RPTOR: variants seen among roughly 807,000 people sequenced by gnomAD.
RPTOR encodes the protein regulatory-associated protein of mTOR.
Under a neutral mutation model 169.9 loss-of-function variants are expected in RPTOR, and 21 were observed. The observed-to-expected ratio is 0.12, with a 90% CI of 0.09 to 0.18. RPTOR has a LOEUF of 0.18. Ranked by LOEUF, RPTOR falls within the 10% of genes least tolerant of loss-of-function variation. RPTOR has a pLI of 1.00. For missense variants in RPTOR, 1,133 were observed against 1,855.9 expected, an observed-to-expected ratio of 0.61 and a Z score of 7.16; for synonymous variants, 732 against 753.2, an observed-to-expected ratio of 0.97 and a Z score of 0.46.
Position 80,922,751 on chromosome 17 carries a change from G to A in RPTOR, c.2548G>A (p.Val850Ile), listed in dbSNP as rs183024326. The A allele has an allele frequency of 1.2e-4, 195 of 1,588,958 alleles. 2 individuals are homozygous for A. In the East Asian group the frequency reaches 3.4e-3, roughly 28 times the overall value. ...CACCGTGAACGCCCGGCCGCAGCGC[G>A]TCCTGGACACCTCCTCCCTCACGCA... is the stretch of plus-strand genomic sequence containing the variant. ...KATVNARPQR[V>I]LDTSSLTQSA... is the part of the protein sequence containing the mutation. The change falls in exon 22 of 34, where the codon GTC becomes ATC. Residue 850 changes from valine to isoleucine, a missense_variant. By Grantham distance (29) the Val-to-Ile change is conservative. Around this residue, in one of 9 missense-constraint regions of RPTOR, gnomAD observed 123 missense variants for 129.0 expected, o/e 0.95. Coordinates refer to ENST00000306801, the MANE Select transcript of RPTOR (RefSeq NM_020761.3).
chr17:80,866,152 AAT>A (rs1438122865), intron 13 of RPTOR, among the ~76,000 whole-genome samples: 13 of 149,320 alleles, frequency 8.7e-5, no homozygotes, highest in African/African-American at 2.9e-4. Context: ...ATTTATATAA[AAT>A]ATTTATTACT....
At chr17:80,892,651 C>A in intron 18 of RPTOR, 78 bp from the exon 19 acceptor site, 2 of 1,513,688 alleles carry the variant, frequency 1.3e-6, no homozygotes, top group South Asian at 2.4e-5. Flanking sequence ...ACCGAGTGTC[C>A]CAGCTGCTGA....
intron 6 of RPTOR, among the ~76,000 whole-genome samples, chr17:80,769,655 C>G (rs74001015): frequency 1.3e-5 from 2 of 152,092 alleles, no homozygotes. Context: ...GAGGCAGAGG[C>G]GGCATCACTG....
rs1396487386 is a variant in RPTOR at position 80,697,628 on chromosome 17, G to A, written c.349-10213G>A. On this transcript the variant is annotated intron_variant, in intron 3 of 33. Coordinates refer to ENST00000306801, the MANE Select transcript of RPTOR (RefSeq NM_020761.3). ...ACAGCCACGTCAGGGACTTGGGAAC[G>A]TCTGGGCCAAGGAGCCACCTTGTGC... 2.0e-5 allele frequency among the ~76,000 whole-genome samples: 3 copies of A among 152,328 alleles called. No homozygotes were observed. In the East Asian group the frequency reaches 5.8e-4, roughly 29 times the overall value.
chr17:80,709,882 C>T (rs1034494807), intron 4 of RPTOR, among the ~76,000 whole-genome samples: 2 of 152,234 alleles, frequency 1.3e-5, no homozygotes, highest in Admixed American at 1.3e-4. Flanking sequence ...TCTTTGTATT[C>T]CAGACAGTAA....
rs2066322550 is a variant in RPTOR at position 80,725,329 on chromosome 17, A to C, written c.508-5231A>C. Among the ~76,000 whole-genome samples the C allele has an allele frequency of 2.0e-5, 3 of 152,242 alleles. No homozygotes were observed. In the South Asian group the frequency reaches 6.2e-4, roughly 32 times the overall value. On this transcript the variant is annotated intron_variant, in intron 4 of 33. Transcript: ENST00000306801. ...CAGATAAAGTGGATTGTAATGAAGA[A>C]ATTATCTAAAACCCATTTCTATTTC...
At chr17:80,880,624 C>T (rs1415733522) in intron 14 of RPTOR, 135 bp downstream of exon 14, 11 of 728,968 alleles carry the variant, frequency 1.5e-5, no homozygotes, top group Non-Finnish European at 2.1e-5. Flanking sequence ...GCCACGTCCA[C>T]GGGGTCAGCA....
chr17:80,751,147 T>C (rs1409275538), intron 5 of RPTOR, among the ~76,000 whole-genome samples: 2 of 152,182 alleles, frequency 1.3e-5, no homozygotes. Flanking sequence ...ACCATCACCG[T>C]GGTGCGAGGT....
At chr17:80,923,904 C>A in intron 23 of RPTOR, 1 of 553,154 alleles carries the variant, frequency 1.8e-6, no homozygotes, top group Non-Finnish European at 3.2e-6. Flanking sequence ...TGTCCCGGTC[C>A]CTCTGCCTGC....
chr17:80,642,590 G>A (rs1173598213), intron 2 of RPTOR, among the ~76,000 whole-genome samples: 2 of 151,952 alleles, frequency 1.3e-5, no homozygotes, highest in African/African-American at 4.9e-5. Context: ...AATAATCTAT[G>A]GGTAAAAAAT....
intron 7 of RPTOR, among the ~76,000 whole-genome samples, chr17:80,809,692 T>C (rs1443051415): frequency 6.6e-6 from 1 of 152,216 alleles, no homozygotes; most frequent in Non-Finnish European, 1.5e-5. Flanking sequence ...GTCTTTGTCC[T>C]ATCTATACAT....
At chr17:80,655,632 G>A (rs952287869) in intron 3 of RPTOR, among the ~76,000 whole-genome samples, 5 of 150,268 alleles carry the variant, frequency 3.3e-5, no homozygotes, top group East Asian at 2.0e-4. Context: ...GCTGGAGTGC[G>A]GTGGTGTGAT....
intron 21 of RPTOR, among the ~76,000 whole-genome samples, chr17:80,912,361 A>G (rs1451850106): frequency 1.3e-5 from 2 of 152,042 alleles, no homozygotes; most frequent in Non-Finnish European, 2.9e-5. Flanking sequence ...GTTTTCCCCC[A>G]ATTAATTTAG....
At chr17:80,846,781 C>G (rs910900923) in intron 11 of RPTOR, among the ~76,000 whole-genome samples, 1 of 152,240 alleles carries the variant, frequency 6.6e-6, no homozygotes, top group Non-Finnish European at 1.5e-5. Flanking sequence ...CTGGGCTGAT[C>G]GCACATTCAT....
rs1442338286 is a variant in RPTOR at position 80,820,263 on chromosome 17, AAC to A, written c.891-1936_891-1935del. On this transcript the variant is annotated intron_variant, in intron 7 of 33. Transcript: ENST00000306801. This position sits in a 1 kb window ranked among gnomAD's most constrained non-coding sequence, Gnocchi z 4.1. ...CTTGAAAGAGGCGGTGTTTTTGCGGAACAGTTATTGACGATCTTGTCAGTCAT... is the reference window on the plus strand; with the variant it reads ...CTTGAAAGAGGCGGTGTTTTTGCGGAAGTTATTGACGATCTTGTCAGTCAT... 6.6e-6 allele frequency among the ~76,000 whole-genome samples: 1 copy of A among 152,004 alleles called. No homozygotes were observed. Among genetic ancestry groups the A allele is most frequent in the Non-Finnish European group, 1.5e-5 (1 of 68,004 alleles).
chr17:80,839,118 G>T (rs982621893), intron 10 of RPTOR, among the ~76,000 whole-genome samples: 1 of 152,204 alleles, frequency 6.6e-6, no homozygotes, highest in South Asian at 2.1e-4. Context: ...AACACATGCA[G>T]TCGGGAGCCT....
In RPTOR at chr17:80,823,258, C is replaced by T. The variant is rs764207866; in HGVS notation, c.1136+35C>T. 6 of 1,607,138 alleles carry T rather than the reference C, an allele frequency of 3.7e-6. No homozygotes were observed. The South Asian group carries it at 5.5e-5, about 15-fold the overall frequency. The stretch of plus-strand genomic sequence containing the variant: ...TCAGGATCCTCCAGGTGCCGTGCTC[C>T]CCCGCCCTCCGTGGCACTGTGATGT... On this transcript the variant is annotated intron_variant, in intron 9 of 33. Coordinates refer to ENST00000306801, the MANE Select transcript of RPTOR (RefSeq NM_020761.3). The surrounding 1 kb of genome is among the most constrained non-coding windows in gnomAD (Gnocchi z 4.5).
At chr17:80,833,779 C>T (rs2067533335) in intron 9 of RPTOR, among the ~76,000 whole-genome samples, 1 of 152,216 alleles carries the variant, frequency 6.6e-6, no homozygotes, top group Non-Finnish European at 1.5e-5. Flanking sequence ...CACCTGAGGT[C>T]AGGAGTTCGA....
intron 7 of RPTOR, among the ~76,000 whole-genome samples, chr17:80,807,022 A>T (rs2067225291): frequency 6.6e-6 from 1 of 152,228 alleles, no homozygotes; most frequent in Non-Finnish European, 1.5e-5. Flanking sequence ...TATCATCAAG[A>T]TATGTCACCC....
Sources: allele counts gnomAD v4.1 joint callset (sites outside exome capture counted in the v4.1 genomes callset), GRCh38; gene constraint gnomAD v4.1.1; regional missense constraint gnomAD v4.1.1; non-coding constraint Gnocchi (gnomAD v3.1); transcripts MANE v1.5; gene names NCBI Gene and HGNC (gene_info 2026-07-23, HGNC 2026-07-21).